The following NBEAL2 variants were observed in gnomAD, a reference collection of about 807,000 sequenced individuals.
The protein encoded by NBEAL2 is neurobeachin like 2.
NBEAL2 carries 160 observed loss-of-function variants against 299.8 expected under a neutral mutation model. The ratio of observed to expected loss-of-function variants is 0.53; its 90% CI spans 0.47 to 0.61. The LOEUF (loss-of-function observed/expected upper bound fraction) is 0.61. Among genes scored for constraint, NBEAL2 ranks in the 20% least tolerant of loss-of-function variants. NBEAL2 has a pLI of 0.00. For missense variants in NBEAL2, 3,112 were observed against 3,649.0 expected (o/e 0.85, Z 3.79); for synonymous variants, 1,493 against 1,542.3 (o/e 0.97, Z 0.75).
At chr3:46,999,262 T>A in intron 24 of NBEAL2, 53 bp from the exon 25 acceptor site, 6 of 1,567,372 alleles carry the variant, frequency 3.8e-6, no homozygotes, top group Non-Finnish European at 5.2e-6. Context: ...TGACTTCCCC[T>A]CCTACAGTAA....
intron 11 of NBEAL2, 91 bp from the exon 12 acceptor site, chr3:46,994,364 A>G: frequency 4.0e-6 from 5 of 1,246,964 alleles, no homozygotes; most frequent in Non-Finnish European, 5.7e-6. Flanking sequence ...GGAACCCCAA[A>G]ACATGATGCC....
intron 26 of NBEAL2, 76 bp from the exon 27 acceptor site, chr3:46,999,813 C>T: frequency 1.0e-5 from 16 of 1,595,418 alleles, no homozygotes; most frequent in East Asian, 2.3e-5. Context: ...CTGGAGCCCT[C>T]CTCTGCAAAG....
Position 47,001,286 on chromosome 3 carries a change from G to C in NBEAL2, c.4492G>C (p.Glu1498Gln). 6.2e-7 allele frequency: 1 copy of C among 1,605,258 alleles called. No homozygotes were observed. Among genetic ancestry groups the C allele is most frequent in the Non-Finnish European group, 8.5e-7 (1 of 1,173,012 alleles). The change falls in exon 29 of 54, where the codon GAG becomes CAG. Residue 1498 changes from glutamate (E) to glutamine (Q), a missense_variant. Glu to Gln is a conservative substitution (Grantham distance 29, BLOSUM62 2). Transcript: ENST00000450053. This position sits in a 1 kb window ranked among gnomAD's most constrained non-coding sequence, Gnocchi z 6.1. The stretch of plus-strand genomic sequence containing the variant: ...TCCCCACTCACCCGCCAGCCTCCTG[G>C]AGATGATGCTGGAGTCAGCCCTGAC... The part of the protein sequence containing the change: ...PPDCIKRSLL[E>Q]MMLESALTDI...
intron 1 of NBEAL2, among the ~76,000 whole-genome samples, chr3:46,987,126 A>G (rs1007440298): frequency 4.6e-5 from 7 of 152,330 alleles, no homozygotes; most frequent in Middle Eastern, 3.4e-3. Context: ...TGCTCTGCCT[A>G]GGTTTTTTGG....
At position 47,002,026 on chromosome 3, in the gene NBEAL2, G is replaced by A. The variant is rs773098327; in HGVS notation, c.4889G>A (p.Gly1630Glu). The A allele has an allele frequency of 5.7e-6, 9 of 1,571,624 alleles. No individual in the cohort carries two copies. Among genetic ancestry groups the A allele is most frequent in the African/African-American group, 1.4e-5 (1 of 73,916 alleles). The change falls in exon 31 of 54, where the codon GGG becomes GAG. Residue 1630 changes from glycine (G) to glutamate (E), a missense_variant. This residue lies in a region of NBEAL2 where 2,243 missense variants were observed against 2,538.1 expected (regional missense o/e 0.88). Coordinates refer to ENST00000450053, the MANE Select transcript of NBEAL2 (RefSeq NM_015175.3). ...YVLSKLEAAL[G>E]RVLNTSSLES... Reference sequence around the variant, plus strand: ...CTCTCCAAGCTGGAGGCTGCACTGGGGCGGGTGCTGAACACCTCTTCCTTG... The same window carrying A: ...CTCTCCAAGCTGGAGGCTGCACTGGAGCGGGTGCTGAACACCTCTTCCTTG...
In NBEAL2 at chr3:46,979,866, C is replaced by A; in HGVS notation, c.5C>A (p.Ala2Asp). The change falls in exon 1 of 54, where the codon GCC (alanine) becomes GAC (aspartate). Residue 2 changes from alanine to aspartate, a missense_variant. Physicochemically the swap from Ala to Asp is moderately radical, Grantham distance 126. This residue lies in a region of NBEAL2 where 2,243 missense variants were observed against 2,538.1 expected (regional missense o/e 0.88). Coordinates refer to ENST00000450053, the MANE Select transcript of NBEAL2 (RefSeq NM_015175.3). Reference protein sequence around the residue: MAASERLYELWL... With the variant: MDASERLYELWL... The stretch of plus-strand genomic sequence containing the variant: ...GGGCCGGAGCCGGGCCGGGCCATGG[C>A]CGCCTCGGAGCGGCTGTACGAGTTG... 2.1e-6 allele frequency: 1 copy of A among 468,928 alleles called. No individual in the cohort carries two copies. Among genetic ancestry groups the A allele is most frequent in the Non-Finnish European group, 3.8e-6 (1 of 260,488 alleles). The allele number at this position is 468,928 out of a possible 1,614,324, so 29.0% of individuals were successfully genotyped here.
At chr3:46,986,084 G>A (rs1381259329) in intron 1 of NBEAL2, among the ~76,000 whole-genome samples, 2 of 152,168 alleles carry the variant, frequency 1.3e-5, no homozygotes, top group Non-Finnish European at 2.9e-5. Flanking sequence ...CAGGGAGGCA[G>A]GACAGGCAGC....
At chr3:47,008,466 A>C in intron 51 of NBEAL2, 25 bp downstream of exon 51, 1 of 1,609,958 alleles carries the variant, frequency 6.2e-7, no homozygotes, top group Non-Finnish European at 8.5e-7. Flanking sequence ...TGCCCAGCAA[A>C]GATGGAGGGG....
rs779247790 is a variant in NBEAL2 at position 47,007,104 on chromosome 3, C to A, written c.7173C>A (p.Val2391=). ...SDGVPLVLAL[V]PHRQPHSFIT... ...GTGTACCCCTGGTGCTAGCCCTGGT[C>A]CCCCACCGGCAGCCCCACTCCTTCA... is the stretch of plus-strand genomic sequence containing the variant. The change falls in exon 46 of 54, where the codon GTC becomes GTA. Residue 2391 remains valine (V), a synonymous_variant. Transcript: ENST00000450053. 1.4e-5 allele frequency: 22 copies of A among 1,613,286 alleles called. No homozygotes were observed. Among genetic ancestry groups the A allele is most frequent in the Non-Finnish European group, 1.7e-5 (20 of 1,179,678 alleles).
rs757001982 is a variant in NBEAL2, at chr3:46,999,762, T to C, written c.3789+47T>C. ...TTTGGGGGAGGGGGAGGGTGGCTTCTACCCTCTGGCCTTCCACCTTGCCTG... is the reference window on the plus strand; with the variant it reads ...TTTGGGGGAGGGGGAGGGTGGCTTCCACCCTCTGGCCTTCCACCTTGCCTG... On this transcript the variant is annotated intron_variant, in intron 26 of 53. Transcript: ENST00000450053. The C allele has an allele frequency of 2.5e-5, 40 of 1,591,816 alleles. No individual in the cohort carries two copies. The East Asian group carries it at 9.1e-4, about 36-fold the overall frequency.
intron 40 of NBEAL2, 69 bp from the exon 41 acceptor site, chr3:47,005,420 C>A: frequency 6.3e-7 from 1 of 1,580,374 alleles, no homozygotes. Flanking sequence ...CTTCTTCCCT[C>A]CAGCCACAGC....
Position 47,000,099 on chromosome 3 carries a change from C to T in NBEAL2, c.4000C>T (p.Pro1334Ser), listed in dbSNP as rs564781036. ...SPAEPSDVFL[P>S]SEAPCPDPDG... is the part of the protein sequence containing the mutation. Reference sequence around the variant, plus strand: ...TGCTGAGCCTTCAGATGTCTTCCTGCCCTCAGAGGCCCCCTGCCCTGACCC... The same window carrying T: ...TGCTGAGCCTTCAGATGTCTTCCTGTCCTCAGAGGCCCCCTGCCCTGACCC... Residue 1334 changes from proline (P) to serine (S), a missense_variant, in exon 27 of 54, where the codon CCC becomes TCC. Transcript: ENST00000450053. The surrounding 1 kb of genome is among the most constrained non-coding windows in gnomAD (Gnocchi z 4.5). 6.2e-7 allele frequency: 1 copy of T among 1,613,750 alleles called. No individual in the cohort carries two copies. The highest frequency in any genetic ancestry group is 1.3e-5 in the African/African-American group (1 of 75,016).
Position 46,996,495 on chromosome 3 carries a change from G to A in NBEAL2, c.2376G>A (p.Arg792=), listed in dbSNP as rs200489667. 3.8e-3 allele frequency: 6,084 copies of A among 1,585,830 alleles called. 11 individuals are homozygous for A. Among genetic ancestry groups the A allele is most frequent in the Non-Finnish European group, 4.6e-3 (5,355 of 1,163,562 alleles). The change falls in exon 16 of 54, where the codon CGG becomes CGA. Residue 792 remains arginine, a synonymous_variant. Coordinates refer to ENST00000450053, the MANE Select transcript of NBEAL2 (RefSeq NM_015175.3). Reference sequence around the variant, plus strand: ...CCCTCGCAGGCACCCAGGACACTCGGTGGGGCAGCCCCACATCCCTGGAGG... The same window carrying A: ...CCCTCGCAGGCACCCAGGACACTCGATGGGGCAGCCCCACATCCCTGGAGG... ...DSTLAGTQDT[R]WGSPTSLEGE... is the part of the protein sequence containing the mutation.
Position 46,992,528 on chromosome 3 carries a change from G to T in NBEAL2, c.1086G>T (p.Arg362=), listed in dbSNP as rs774717461. 1.9e-6 allele frequency: 3 copies of T among 1,602,404 alleles called. No homozygotes were observed. The highest frequency in any genetic ancestry group is 2.3e-5 in the South Asian group (2 of 88,658). Residue 362 remains arginine (R), a synonymous_variant, in exon 10 of 54, where the codon CGG becomes CGT. Coordinates refer to ENST00000450053, the MANE Select transcript of NBEAL2 (RefSeq NM_015175.3). ...PPEGDSDLAT[R]LLTEPDVQKV... is the part of the protein sequence containing the mutation. Reference sequence around the variant, plus strand: ...AGGGGGACAGTGACCTGGCTACCCGGTTACTGACTGAGCCCGATGTCCAAA... The same window carrying T: ...AGGGGGACAGTGACCTGGCTACCCGTTTACTGACTGAGCCCGATGTCCAAA...
In NBEAL2 at chr3:47,003,127, T is replaced by C. The variant is rs765766260; in HGVS notation, c.5584+46T>C. The C allele has an allele frequency of 3.7e-6, 6 of 1,609,532 alleles. No individual in the cohort carries two copies. In the South Asian group the frequency reaches 6.6e-5, roughly 18 times the overall value. On this transcript the variant is annotated intron_variant, in intron 34 of 53. Transcript: ENST00000450053. This position sits in a 1 kb window ranked among gnomAD's most constrained non-coding sequence, Gnocchi z 7.0. ...GGGTCCACCCAACTCGATTGTCCCG[T>C]CTCCTGTCCTGCCTTGCTTCTGCTG...
chr3:47,009,421 G>T lies in NBEAL2; in HGVS notation c.*101G>T, dbSNP rs767342283. 3.8e-6 allele frequency: 4 copies of T among 1,040,662 alleles called. No individual in the cohort carries two copies. The Admixed American group carries it at 7.1e-5, about 18-fold the overall frequency. The allele number at this position is 1,040,662 out of a possible 1,614,324, so 64.5% of individuals were successfully genotyped here. ...AACACCCCGGGGTGGGCAGCCCAGG[G>T]GGGTGAGCGGGGCCCACCCTGCCCA... On this transcript the variant is annotated 3_prime_UTR_variant, in exon 54 of 54. Coordinates refer to ENST00000450053, the MANE Select transcript of NBEAL2 (RefSeq NM_015175.3).
chr3:47,007,411 C>T lies in NBEAL2; in HGVS notation c.7334+61C>T. 3.9e-6 allele frequency: 6 copies of T among 1,555,004 alleles called. No individual in the cohort carries two copies. In the South Asian group the frequency reaches 5.9e-5, roughly 15 times the overall value. On this transcript the variant is annotated intron_variant, in intron 47 of 53. Coordinates refer to ENST00000450053, the MANE Select transcript of NBEAL2 (RefSeq NM_015175.3). ...ATGCCCTGCACCCGGAATTATTCCCCTCCCTAATCAGAATGTAGGCCAGCT... is the reference window on the plus strand; with the variant it reads ...ATGCCCTGCACCCGGAATTATTCCCTTCCCTAATCAGAATGTAGGCCAGCT...
Position 46,997,566 on chromosome 3 carries a change from C to G in NBEAL2, c.2830C>G (p.Arg944Gly), listed in dbSNP as rs374349472. 6.3e-7 allele frequency: 1 copy of G among 1,593,538 alleles called. No individual in the cohort carries two copies. Among genetic ancestry groups the G allele is most frequent in the Non-Finnish European group, 8.6e-7 (1 of 1,165,424 alleles). ...VLPLGKSSEE[R>G]MERNAVAAFL... The stretch of plus-strand genomic sequence containing the variant: ...CCCTTCCTGATGGCTGGCAGAGGAA[C>G]GGATGGAGAGGAACGCAGTGGCTGC... Residue 944 changes from arginine (R) to glycine (G), a missense_variant, in exon 20 of 54, where the codon CGG becomes GGG. Transcript: ENST00000450053.
intron 6 of NBEAL2, among the ~76,000 whole-genome samples, chr3:46,990,841 C>A (rs1318326827): frequency 1.3e-5 from 2 of 152,190 alleles, no homozygotes; most frequent in African/African-American, 4.8e-5. Flanking sequence ...CCAACCGTCA[C>A]AGGGCAGAGG....
Sources: gnomAD v4.1 joint callset for allele counts (sites outside exome capture counted in the v4.1 genomes callset) on GRCh38, gnomAD v4.1.1 for gene constraint, gnomAD v4.1.1 regional missense constraint, Gnocchi (gnomAD v3.1) non-coding constraint, MANE v1.5 for transcripts, NCBI Gene and HGNC (gene_info 2026-07-23, HGNC 2026-07-21) for gene names.